Variants in PARD3 observed in about 807,000 individuals in gnomAD.
PARD3 encodes par-3 family cell polarity regulator.
Under a neutral mutation model 155.4 loss-of-function variants are expected in PARD3, and 75 were observed. That is an observed-to-expected ratio of 0.48 (90% CI 0.40 to 0.58). The LOEUF is 0.58. Ranked by LOEUF, PARD3 falls within the 20% of genes least tolerant of loss-of-function variation. The pLI is 0.00. For synonymous variants in PARD3, 576 were observed against 610.5 expected (o/e 0.94, Z 0.83); for missense variants, 1,642 against 1,721.7 (o/e 0.95, Z 0.82).
chr10:34,806,664 G>A (rs190997174), intron 1 of PARD3, among the ~76,000 whole-genome samples: 67 of 152,302 alleles, frequency 4.4e-4, no homozygotes, highest in African/African-American at 1.5e-3. Context: ...ACTCTGAATA[G>A]CATCCATTTG....
At chr10:34,134,298 G>A in intron 22 of PARD3, among the ~76,000 whole-genome samples, 1 of 152,102 alleles carries the variant, frequency 6.6e-6, no homozygotes, top group Non-Finnish European at 1.5e-5. Context: ...TTTTGTTCCT[G>A]GCATACTTTA....
At chr10:34,175,051 G>A (rs1949973448) in intron 22 of PARD3, among the ~76,000 whole-genome samples, 1 of 151,998 alleles carries the variant, frequency 6.6e-6, no homozygotes, top group South Asian at 2.1e-4. Flanking sequence ...CTAGAATGGG[G>A]AAGTTTTTAC....
chr10:34,556,252 A>G (rs1589997031), intron 2 of PARD3, among the ~76,000 whole-genome samples: 1 of 152,214 alleles, frequency 6.6e-6, no homozygotes, highest in Non-Finnish European at 1.5e-5. Flanking sequence ...CTTTTCTACT[A>G]AAGCTAAATT....
At chr10:34,709,675 A>G (rs897556731) in intron 1 of PARD3, among the ~76,000 whole-genome samples, 3 of 152,124 alleles carry the variant, frequency 2.0e-5, no homozygotes, top group African/African-American at 7.2e-5. Context: ...TGGAGGACTC[A>G]GGGGCAGGAG....
At chr10:34,629,054 G>A (rs537671646) in intron 2 of PARD3, among the ~76,000 whole-genome samples, 6 of 152,246 alleles carry the variant, frequency 3.9e-5, no homozygotes, top group Admixed American at 2.0e-4. Context: ...CCTTCACCAC[G>A]ATCTCTATCA....
intron 4 of PARD3, among the ~76,000 whole-genome samples, chr10:34,461,789 A>AACTTTAAGGGCACACAAGAAGGCTTCTG (rs1339012643): frequency 3.3e-5 from 5 of 152,202 alleles, no homozygotes; most frequent in African/African-American, 1.2e-4. Context: ...TGATGTATGT[A>AACTTTAAGGGCACACAAGAAGGCTTCTG]ACTTTAAGGG....
At chr10:34,428,901 A>C (rs2075761695) in intron 5 of PARD3, among the ~76,000 whole-genome samples, 1 of 152,236 alleles carries the variant, frequency 6.6e-6, no homozygotes, top group South Asian at 2.1e-4. Flanking sequence ...ATTTGTTAGC[A>C]ATGCAAAATG....
chr10:34,577,969 G>A lies in PARD3; in HGVS notation c.223-60810C>T, dbSNP rs75314592. 1.5e-3 allele frequency among the ~76,000 whole-genome samples: 231 copies of A among 151,650 alleles called. 2 individuals carry two copies. The highest frequency in any genetic ancestry group is 0.01 in the East Asian group (52 of 5,160). On this transcript the variant is annotated intron_variant, in intron 2 of 24. Coordinates refer to ENST00000374788, the MANE Select transcript of PARD3 (RefSeq NM_001184785.2). ...TGGGCTCATGCGATCCTCCTGCCTC[G>A]GCCTCCTGAGTAGCTGGGACTACAG...
chr10:34,399,287 ACT>A (rs761510771), intron 7 of PARD3, 41 bp downstream of exon 7: 2 of 1,168,984 alleles, frequency 1.7e-6, no homozygotes, highest in East Asian at 4.7e-5. Flanking sequence ...AAGATAAAAC[ACT>A]CTACATTATG....
At chr10:34,318,396 C>A (rs572906429) in intron 19 of PARD3, among the ~76,000 whole-genome samples, 1 of 152,286 alleles carries the variant, frequency 6.6e-6, no homozygotes, top group African/African-American at 2.4e-5. Context: ...CTTTTTCCAG[C>A]ATCAACAAAG....
At chr10:34,242,666 C>T (rs576800236) in intron 22 of PARD3, among the ~76,000 whole-genome samples, 2 of 152,240 alleles carry the variant, frequency 1.3e-5, no homozygotes, top group South Asian at 2.1e-4. Context: ...AAAAAGTATG[C>T]ACACTAAAAA....
intron 3 of PARD3, among the ~76,000 whole-genome samples, chr10:34,483,352 C>T (rs548012255): frequency 2.6e-4 from 39 of 151,968 alleles, no homozygotes; most frequent in South Asian, 6.3e-4. Context: ...CACAGTGGCA[C>T]GCATCTGTGG....
intron 22 of PARD3, among the ~76,000 whole-genome samples, chr10:34,183,896 G>T (rs981619924): frequency 1.3e-5 from 2 of 152,168 alleles, no homozygotes; most frequent in African/African-American, 2.4e-5. Flanking sequence ...AGAACCCTGG[G>T]GTTCCTCCAG....
At chr10:34,332,889 G>A (rs964522739) in intron 18 of PARD3, among the ~76,000 whole-genome samples, 2 of 151,976 alleles carry the variant, frequency 1.3e-5, no homozygotes, top group African/African-American at 2.4e-5. Context: ...ACTCATAAAA[G>A]TCATGTCATG....
chr10:34,472,544 T>TA (rs1476680696), intron 3 of PARD3, among the ~76,000 whole-genome samples: 4 of 152,184 alleles, frequency 2.6e-5, no homozygotes, highest in Non-Finnish European at 5.9e-5. Context: ...TTAGACAATG[T>TA]TATTACTTAG....
intron 3 of PARD3, among the ~76,000 whole-genome samples, chr10:34,493,732 C>CAA (rs140921203): frequency 6.8e-5 from 9 of 131,930 alleles, no homozygotes; most frequent in African/African-American, 2.4e-4. Context: ...AACTCTGTCT[C>CAA]AAAAAAAAAA....
At chr10:34,584,558 A>G (rs1260015717) in intron 2 of PARD3, among the ~76,000 whole-genome samples, 1 of 152,188 alleles carries the variant, frequency 6.6e-6, no homozygotes, top group African/African-American at 2.4e-5. Flanking sequence ...AGAGAGGTAC[A>G]TGGTGTCCAA....
chr10:34,439,178 A>G (rs922115579), intron 5 of PARD3, among the ~76,000 whole-genome samples: 13 of 152,120 alleles, frequency 8.5e-5, no homozygotes, highest in Non-Finnish European at 1.3e-4. Context: ...GCATGCGAGG[A>G]AGGGCAGGGC....
chr10:34,542,368 T>C (rs1328273670), intron 2 of PARD3, among the ~76,000 whole-genome samples: 1 of 152,152 alleles, frequency 6.6e-6, no homozygotes, highest in African/African-American at 2.4e-5. Flanking sequence ...GAGACATATT[T>C]GGTTGTCATA....
Sources: gnomAD v4.1 joint callset for allele counts (sites outside exome capture counted in the v4.1 genomes callset) on GRCh38, gnomAD v4.1.1 for gene constraint, MANE v1.5 for transcripts, NCBI Gene and HGNC (gene_info 2026-07-23, HGNC 2026-07-21) for gene names.